Variants in PCDHGB5 observed in about 807,000 individuals in gnomAD.
PCDHGB5 encodes protocadherin gamma-B5.
Under a neutral mutation model 62.9 loss-of-function variants are expected in PCDHGB5, and 48 were observed. The ratio of observed to expected loss-of-function variants is 0.76; its 90% CI spans 0.61 to 0.97. The LOEUF is 0.97. Ranked by LOEUF, PCDHGB5 falls within the 50% of genes least tolerant of loss-of-function variation. PCDHGB5 has a pLI of 0.00. For missense variants in PCDHGB5, 1,118 were observed against 1,198.6 expected (o/e 0.93, Z 0.99); for synonymous variants, 474 against 511.2 (o/e 0.93, Z 0.98).
Position 141,418,384 on chromosome 5 carries a change from C to T in PCDHGB5, c.2397+17860C>T, listed in dbSNP as rs774636792. 5 of 1,613,982 alleles carry T rather than the reference C, an allele frequency of 3.1e-6. No homozygotes were observed. In the South Asian group the frequency reaches 4.4e-5, roughly 14 times the overall value. ...TGAGCAAATACCAACTAAGTCCTAA[C>T]GAGTATTTCTCATTGGTGGAGAAAG... is the stretch of plus-strand genomic sequence containing the variant. On this transcript the variant is annotated intron_variant, in intron 1 of 3. Coordinates refer to ENST00000617380, the MANE Select transcript of PCDHGB5 (RefSeq NM_018925.3).
intron 1 of PCDHGB5, among the ~76,000 whole-genome samples, chr5:141,472,497 G>A (rs1196427013): frequency 1.3e-5 from 2 of 151,958 alleles, no homozygotes; most frequent in Non-Finnish European, 2.9e-5. Context: ...ACGAGATCGT[G>A]CCACTGCACT....
At chr5:141,423,147 G>A (rs545052756) in intron 1 of PCDHGB5, 4 of 1,613,578 alleles carry the variant, frequency 2.5e-6, no homozygotes, top group African/African-American at 2.7e-5. Context: ...ACGCGCTCAA[G>A]CAGAGCCTCG....
chr5:141,494,740 T>C, intron 1 of PCDHGB5, 67 bp from the exon 2 acceptor site: 1 of 1,612,194 alleles, frequency 6.2e-7, no homozygotes, highest in Non-Finnish European at 8.5e-7. Context: ...GGCCCATCCC[T>C]AGGGGCTCGG....
In PCDHGB5 at chr5:141,422,312, C is replaced by T; in HGVS notation, c.2397+21788C>T. On this transcript the variant is annotated intron_variant, in intron 1 of 3. Coordinates refer to ENST00000617380, the MANE Select transcript of PCDHGB5 (RefSeq NM_018925.3). ...ATTAATTCAATTCTGGAAAACTCTC[C>T]TCCAGGTACAGTGATTGCTCTTCTA... The T allele has an allele frequency of 1.9e-6, 3 of 1,547,444 alleles. No individual in the cohort carries two copies. Among genetic ancestry groups the T allele is most frequent in the Non-Finnish European group, 1.7e-6 (2 of 1,153,976 alleles).
intron 1 of PCDHGB5, chr5:141,421,501 G>T: frequency 6.2e-7 from 1 of 1,614,094 alleles, no homozygotes; most frequent in Non-Finnish European, 8.5e-7. Context: ...AGGCAGGATA[G>T]ACCGGGAGGA....
chr5:141,423,058 A>G (rs1235938743), intron 1 of PCDHGB5: 3 of 1,614,022 alleles, frequency 1.9e-6, no homozygotes, highest in African/African-American at 2.7e-5. Flanking sequence ...TCGCCTGCTT[A>G]AGGCCAGCGA....
intron 1 of PCDHGB5, chr5:141,403,667 GC>G: frequency 6.2e-7 from 1 of 1,613,910 alleles, no homozygotes; most frequent in Non-Finnish European, 8.5e-7. Context: ...AAATGATAAT[GC>G]CCCGGTTTTT....
At chr5:141,407,415 A>C (rs1561707597) in intron 1 of PCDHGB5, among the ~76,000 whole-genome samples, 1 of 152,228 alleles carries the variant, frequency 6.6e-6, no homozygotes, top group Non-Finnish European at 1.5e-5. Flanking sequence ...TCGATACCAC[A>C]AAAATGTCTC....
intron 1 of PCDHGB5, among the ~76,000 whole-genome samples, chr5:141,482,079 C>A (rs2099551704): frequency 8.4e-6 from 1 of 119,308 alleles, no homozygotes; most frequent in African/African-American, 3.8e-5. Context: ...GAACAAAACT[C>A]ACTCCATCTC....
intron 1 of PCDHGB5, among the ~76,000 whole-genome samples, chr5:141,438,629 TATATATACACACAC>T (rs1468553117): frequency 3.8e-3 from 181 of 48,054 alleles, no homozygotes; most frequent in Non-Finnish European, 5.4e-3. Flanking sequence ...TATATATATA[TATATATACACACAC>T]ACACACACAT....
intron 1 of PCDHGB5, chr5:141,413,400 G>T: frequency 6.2e-7 from 1 of 1,614,060 alleles, no homozygotes. Context: ...CCAGAGGTAG[G>T]ACGCAGCTTT....
intron 1 of PCDHGB5, 77 bp downstream of exon 1, chr5:141,400,601 C>T (rs1401354209): frequency 1.3e-6 from 2 of 1,592,588 alleles, no homozygotes; most frequent in East Asian, 4.5e-5. Flanking sequence ...CGTACATTTT[C>T]AAGTCCAATG....
chr5:141,438,625 TATATATATATACACAC>T (rs1232816129), intron 1 of PCDHGB5, among the ~76,000 whole-genome samples: 1,472 of 46,190 alleles, frequency 0.032, 16 homozygotes, highest in African/African-American at 0.13. Context: ...TATATATATA[TATATATATATACACAC>T]ACACACACAC....
Position 141,420,299 on chromosome 5 carries a change from T to A in PCDHGB5, c.2397+19775T>A, listed in dbSNP as rs377297222. On this transcript the variant is annotated intron_variant, in intron 1 of 3. Coordinates refer to ENST00000617380, the MANE Select transcript of PCDHGB5 (RefSeq NM_018925.3). Reference sequence around the variant, plus strand: ...GGTAAGTATTTAAAAATGTATTTAATCCTTTTTATATTACAATATGCCAAT... The same window carrying A: ...GGTAAGTATTTAAAAATGTATTTAAACCTTTTTATATTACAATATGCCAAT... 6.8e-6 allele frequency: 10 copies of A among 1,465,980 alleles called. No homozygotes were observed. The African/African-American group carries it at 1.4e-4, about 21-fold the overall frequency. 90.8% of individuals were successfully genotyped at this position (1,465,980 alleles called of 1,614,324 possible). A position where few individuals can be genotyped will look rare whatever the true frequency, so the allele number is the denominator to read the frequency against.
chr5:141,436,659 G>A (rs771567212), intron 1 of PCDHGB5, among the ~76,000 whole-genome samples: 3 of 152,136 alleles, frequency 2.0e-5, no homozygotes, highest in Non-Finnish European at 2.9e-5. Flanking sequence ...GCCATTTTTA[G>A]TGGTTGACCA....
chr5:141,454,832 G>A (rs1311246854), intron 1 of PCDHGB5, among the ~76,000 whole-genome samples: 2 of 75,830 alleles, frequency 2.6e-5, no homozygotes, highest in African/African-American at 1.3e-4. Context: ...TTTTGAGACA[G>A]AGTCGCGCTC....
At chr5:141,409,036 C>T in intron 1 of PCDHGB5, 1 of 1,614,020 alleles carries the variant, frequency 6.2e-7, no homozygotes, top group Non-Finnish European at 8.5e-7. Context: ...CTGAGATAAA[C>T]TACTACTTCC....
intron 1 of PCDHGB5, among the ~76,000 whole-genome samples, chr5:141,481,692 G>T (rs1231630072): frequency 6.6e-6 from 1 of 152,020 alleles, no homozygotes; most frequent in African/African-American, 2.4e-5. Context: ...GGTGGCTCAC[G>T]CCTGTAATCC....
In PCDHGB5 at chr5:141,399,529, G is replaced by T. The variant is rs946281582; in HGVS notation, c.1402G>T (p.Ala468Ser). 3 of 1,614,010 alleles carry T rather than the reference G, an allele frequency of 1.9e-6. No homozygotes were observed. The highest frequency in any genetic ancestry group is 2.5e-6 in the Non-Finnish European group (3 of 1,179,894). ...PENNPPGASI[A>S]QVCASDLDLG... is the part of the protein sequence containing the mutation. ...AAACAACCCTCCTGGGGCCTCCATC[G>T]CGCAAGTCTGCGCCTCGGACCTGGA... The change falls in exon 1 of 4, where the codon GCG becomes TCG. Residue 468 changes from alanine (A) to serine (S), a missense_variant. Physicochemically the swap from Ala to Ser is moderately conservative, Grantham distance 99 (BLOSUM62 1). This residue lies in a region of PCDHGB5 where 1,034 missense variants were observed against 1,029.1 expected (regional missense o/e 1.00). Coordinates refer to ENST00000617380, the MANE Select transcript of PCDHGB5 (RefSeq NM_018925.3).
Sources: allele counts gnomAD v4.1 joint callset (sites outside exome capture counted in the v4.1 genomes callset), GRCh38; gene constraint gnomAD v4.1.1; regional missense constraint gnomAD v4.1.1; transcripts MANE v1.5; gene names NCBI Gene and HGNC (gene_info 2026-07-23, HGNC 2026-07-21).